Variants in SCEL observed in about 807,000 individuals in gnomAD.
SCEL encodes sciellin.
Under a neutral mutation model 117.6 loss-of-function variants are expected in SCEL, and 113 were observed. The observed-to-expected ratio is 0.96, with a 90% CI of 0.83 to 1.12. SCEL has a LOEUF of 1.12. Ranked by LOEUF, SCEL falls within the 50% of genes most tolerant of loss-of-function variation. SCEL has a pLI of 0.00. For synonymous variants in SCEL, 270 were observed against 256.2 expected, an observed-to-expected ratio of 1.05 and a Z score of -0.51; for missense variants, 785 against 810.8, an observed-to-expected ratio of 0.97 and a Z score of 0.39.
At chr13:77,591,563 ATCAG>A (rs1006450714) in intron 11 of SCEL, 103 bp downstream of exon 11, 7 of 686,910 alleles carry the variant, frequency 1.0e-5, no homozygotes, top group African/African-American at 3.7e-5. Context: ...GGTAGACAAA[ATCAG>A]TTTTCCAACT....
At position 77,589,957 on chromosome 13, in the gene SCEL, A is replaced by G. The variant is rs181315697; in HGVS notation, c.626+733A>G. ...CAATTTTTCAAGATGTACACCCCAC[A>G]TTTCCATTATTATTGTGAGATTAAA... On this transcript the variant is annotated intron_variant, in intron 10 of 32. Coordinates refer to ENST00000349847, the MANE Select transcript of SCEL (RefSeq NM_144777.3). Among the ~76,000 whole-genome samples, 106 of 152,234 alleles carry G rather than the reference A, an allele frequency of 7.0e-4. 1 individual carries two copies. The highest frequency in any genetic ancestry group is 3.4e-3 in the Middle Eastern group (1 of 294).
intron 29 of SCEL, 37 bp from the exon 30 acceptor site, chr13:77,637,083 C>A (rs1197182685): frequency 9.4e-7 from 1 of 1,061,664 alleles, no homozygotes; most frequent in South Asian, 1.4e-5. Flanking sequence ...TAAGGAAAAT[C>A]ACCTGATTCT....
At chr13:77,644,156 C>T (rs1242016492) in intron 32 of SCEL, 102 bp from the exon 33 acceptor site, 2 of 1,291,202 alleles carry the variant, frequency 1.5e-6, no homozygotes, top group African/African-American at 2.9e-5. Flanking sequence ...AAGTGGAATC[C>T]TTAATCTACC....
At chr13:77,579,269 T>C (rs993532468) in intron 9 of SCEL, among the ~76,000 whole-genome samples, 2 of 152,254 alleles carry the variant, frequency 1.3e-5, no homozygotes, top group East Asian at 1.9e-4. Context: ...ACATCACTTA[T>C]TATTGCAGTG....
chr13:77,607,492 A>G (rs903302552), intron 19 of SCEL, among the ~76,000 whole-genome samples: 2 of 152,250 alleles, frequency 1.3e-5, no homozygotes, highest in African/African-American at 4.8e-5. Flanking sequence ...AAAATTCATA[A>G]TTCTAACACA....
At chr13:77,591,319 T>A in intron 10 of SCEL, 76 bp from the exon 11 acceptor site, 1 of 902,666 alleles carries the variant, frequency 1.1e-6, no homozygotes, top group Admixed American at 2.2e-5. Context: ...TACATAAATT[T>A]TTTAAAATAA....
Position 77,604,345 on chromosome 13 carries a change from C to T in SCEL, c.1098-11C>T. The T allele has an allele frequency of 6.6e-7, 1 of 1,518,584 alleles. No homozygotes were observed. The allele number at this position is 1,518,584 out of a possible 1,614,324, so 94.1% of individuals were successfully genotyped here. A position where few individuals can be genotyped will look rare whatever the true frequency, so the allele number is the denominator to read the frequency against. On this transcript the variant is annotated splice_polypyrimidine_tract_variant and intron_variant, in intron 18 of 32. Coordinates refer to ENST00000349847, the MANE Select transcript of SCEL (RefSeq NM_144777.3). The stretch of plus-strand genomic sequence containing the variant: ...AACATCATTCATTAAAATTAATTTC[C>T]TTTTTCAAAGAAAAAAAGACCTTGA...
At chr13:77,637,705 A>G (rs1421535588) in intron 30 of SCEL, among the ~76,000 whole-genome samples, 2 of 152,112 alleles carry the variant, frequency 1.3e-5, no homozygotes, top group Non-Finnish European at 2.9e-5. Context: ...CATTGCATCC[A>G]TAGACTGTGC....
At position 77,556,678 on chromosome 13, in the gene SCEL, T is replaced by A. The variant is rs2084675862; in HGVS notation, c.126T>A (p.Asp42Glu). 1.2e-6 allele frequency: 2 copies of A among 1,613,876 alleles called. No individual in the cohort carries two copies. The highest frequency in any genetic ancestry group is 1.7e-6 in the Non-Finnish European group (2 of 1,179,932). The change falls in exon 3 of 33, where the codon GAT (aspartate) becomes GAA (glutamate). Residue 42 changes from aspartate to glutamate, a missense_variant. Asp to Glu is a conservative substitution (Grantham distance 45, BLOSUM62 2). Coordinates refer to ENST00000349847, the MANE Select transcript of SCEL (RefSeq NM_144777.3). ...EVNKRRTFLQ[D>E]NSWIKKRPEE... is the part of the protein sequence containing the mutation. ...ACAAAAGAAGAACTTTCTTACAGGATAACAGTTGGATAAAGAAACGCCCTG... is the reference window on the plus strand; with the variant it reads ...ACAAAAGAAGAACTTTCTTACAGGAAAACAGTTGGATAAAGAAACGCCCTG...
chr13:77,602,761 T>G (rs1410653528), intron 17 of SCEL, 48 bp downstream of exon 17: 2 of 1,519,686 alleles, frequency 1.3e-6, no homozygotes, highest in Non-Finnish European at 1.8e-6. Flanking sequence ...TTCTCTCATA[T>G]TAATTATGTG....
intron 31 of SCEL, 68 bp downstream of exon 31, chr13:77,640,852 T>A: frequency 1.2e-6 from 1 of 806,360 alleles, no homozygotes; most frequent in Non-Finnish European, 2.0e-6. Context: ...AATAATAATT[T>A]AATGTAATAC....
intron 3 of SCEL, among the ~76,000 whole-genome samples, chr13:77,559,533 C>T (rs2084855326): frequency 6.6e-6 from 1 of 152,146 alleles, no homozygotes; most frequent in South Asian, 2.1e-4. Flanking sequence ...CACAACACAA[C>T]ACAACACAAC....
chr13:77,585,618 C>T (rs2086521485), intron 9 of SCEL, among the ~76,000 whole-genome samples: 1 of 152,120 alleles, frequency 6.6e-6, no homozygotes, highest in African/African-American at 2.4e-5. Flanking sequence ...GGCCTCACCA[C>T]CACTCTGCTG....
chr13:77,567,058 A>T (rs1302783860), intron 5 of SCEL, among the ~76,000 whole-genome samples: 1 of 152,234 alleles, frequency 6.6e-6, no homozygotes, highest in Non-Finnish European at 1.5e-5. Flanking sequence ...CTGACATAGG[A>T]AGTACTGTCA....
At position 77,622,630 on chromosome 13, in the gene SCEL, G is replaced by A. The variant is rs575587657; in HGVS notation, c.1628+4570G>A. 2.6e-5 allele frequency among the ~76,000 whole-genome samples: 4 copies of A among 152,306 alleles called. No homozygotes were observed. The South Asian group carries it at 8.3e-4, about 32-fold the overall frequency. On this transcript the variant is annotated intron_variant, in intron 27 of 32. Coordinates refer to ENST00000349847, the MANE Select transcript of SCEL (RefSeq NM_144777.3). ...TAATTCTGGTACTTTGGGAGGCTGAGGTGAGAGGATGGCTTGAGGCCAGGA... is the reference window on the plus strand; with the variant it reads ...TAATTCTGGTACTTTGGGAGGCTGAAGTGAGAGGATGGCTTGAGGCCAGGA...
intron 12 of SCEL, among the ~76,000 whole-genome samples, chr13:77,595,854 G>A (rs1477405790): frequency 1.3e-5 from 2 of 152,082 alleles, no homozygotes; most frequent in Non-Finnish European, 2.9e-5. Flanking sequence ...TACTTGACAG[G>A]ATTCACCTAT....
chr13:77,572,319 G>T, intron 9 of SCEL, 130 bp downstream of exon 9: 1 of 700,516 alleles, frequency 1.4e-6, no homozygotes, highest in Non-Finnish European at 2.4e-6. Context: ...GCTCTGTACA[G>T]GAGAGTGTCC....
intron 24 of SCEL, 99 bp from the exon 25 acceptor site, chr13:77,617,500 A>T: frequency 1.5e-6 from 1 of 676,280 alleles, no homozygotes; most frequent in Non-Finnish European, 2.5e-6. Flanking sequence ...ATACTAAAAT[A>T]ATATGTCTCA....
chr13:77,575,790 CT>C (rs1456681471), intron 9 of SCEL, among the ~76,000 whole-genome samples: 2 of 152,160 alleles, frequency 1.3e-5, no homozygotes, highest in African/African-American at 4.8e-5. Context: ...CTTCTTTCTT[CT>C]CTTGCTAAGA....
Sources: gnomAD v4.1 joint callset for allele counts (sites outside exome capture counted in the v4.1 genomes callset) on GRCh38, gnomAD v4.1.1 for gene constraint, MANE v1.5 for transcripts, NCBI Gene and HGNC (gene_info 2026-07-23, HGNC 2026-07-21) for gene names.